The following CFAP92 variants were observed in gnomAD, a reference collection of about 807,000 sequenced individuals.
The protein encoded by CFAP92 is cilia and flagella associated protein 92 (putative).
CFAP92 carries 86 observed loss-of-function variants against 106.3 expected under a neutral mutation model. The ratio of observed to expected loss-of-function variants is 0.81; its 90% confidence interval spans 0.68 to 0.97. The LOEUF is 0.97. CFAP92 is among the 50% of genes least tolerant of loss of function. The pLI is 0.00. For missense variants in CFAP92, 1,204 were observed against 1,283.8 expected (o/e 0.94, Z 0.95); for synonymous variants, 477 against 506.4 (o/e 0.94, Z 0.78).
intron 10 of CFAP92, among the ~76,000 whole-genome samples, chr3:128,943,461 TG>T (rs1453068501): frequency 6.6e-6 from 1 of 152,230 alleles, no homozygotes; most frequent in Non-Finnish European, 1.5e-5. Flanking sequence ...TCATACAATA[TG>T]TGCCATTTTG....
upstream of CFAP92, among the ~76,000 whole-genome samples, chr3:128,998,961 G>C (rs1944583005): frequency 6.6e-6 from 1 of 152,108 alleles, no homozygotes; most frequent in South Asian, 2.1e-4. Context: ...ACATAGAAAA[G>C]TCTGGAAATA....
Position 128,993,172 on chromosome 3 carries a change from C to G in CFAP92, c.133G>C (p.Glu45Gln). 6.2e-7 allele frequency: 1 copy of G among 1,614,078 alleles called. No individual in the cohort carries two copies. The highest frequency in any genetic ancestry group is 8.5e-7 in the Non-Finnish European group (1 of 1,179,906). Residue 45 changes from glutamate to glutamine, a missense_variant, in exon 2 of 16, where the codon GAG becomes CAG. Glu to Gln is a conservative substitution (Grantham distance 29). Coordinates refer to ENST00000645291, the MANE Select transcript of CFAP92 (RefSeq NM_001394090.1). ...EHLKAKARAQ[E>Q]SDSDRPCSSI... ...CTGCACGGGCGGTCAGAGTCAGACTCCTGGGCCCTGGCCTTGGCCTTCAGG... is the reference window on the plus strand; with the variant it reads ...CTGCACGGGCGGTCAGAGTCAGACTGCTGGGCCCTGGCCTTGGCCTTCAGG...
intron 2 of CFAP92, chr3:128,991,959 G>A: frequency 1.2e-6 from 1 of 826,070 alleles, no homozygotes; most frequent in Non-Finnish European, 1.5e-6. Context: ...ATGCTAGCAG[G>A]TGGGAGACAC....
intron 10 of CFAP92, among the ~76,000 whole-genome samples, chr3:128,942,436 C>T (rs1392126868): frequency 1.3e-5 from 2 of 152,164 alleles, no homozygotes. Context: ...GCTGGCTGAC[C>T]GCCTACATGG....
At chr3:128,980,851 T>C (rs1407196713) in intron 4 of CFAP92, among the ~76,000 whole-genome samples, 1 of 152,176 alleles carries the variant, frequency 6.6e-6, no homozygotes, top group Non-Finnish European at 1.5e-5. Flanking sequence ...CTAGTTCTCT[T>C]GCTGTTTCCA....
chr3:128,943,016 T>C (rs1202385640), intron 10 of CFAP92, among the ~76,000 whole-genome samples: 1 of 144,850 alleles, frequency 6.9e-6, no homozygotes, highest in Non-Finnish European at 1.5e-5. Flanking sequence ...ACCTCCTGGG[T>C]TCAAGCGATT....
chr3:129,021,765 C>A, the CFAP92 span, among the ~76,000 whole-genome samples: 1 of 152,210 alleles, frequency 6.6e-6, no homozygotes, highest in African/African-American at 2.4e-5. Flanking sequence ...GTATCCATCA[C>A]AGACAGGTTA....
At chr3:128,922,697 A>G (rs926111220) in intron 12 of CFAP92, among the ~76,000 whole-genome samples, 8 of 152,216 alleles carry the variant, frequency 5.3e-5, no homozygotes, top group East Asian at 1.9e-4. Flanking sequence ...AAGTTTTTCA[A>G]AGTTCCTTGA....
At chr3:128,917,443 C>T (rs575272911) in intron 12 of CFAP92, among the ~76,000 whole-genome samples, 5 of 152,228 alleles carry the variant, frequency 3.3e-5, no homozygotes, top group East Asian at 1.9e-4. Flanking sequence ...CAAACTGTTC[C>T]GTAGTTCTTC....
At chr3:128,943,747 G>C (rs566815764) in intron 10 of CFAP92, among the ~76,000 whole-genome samples, 136 of 151,682 alleles carry the variant, frequency 9.0e-4, no homozygotes, top group Admixed American at 1.1e-3. Context: ...ATGTTGGCCA[G>C]ACTGGTCCCG....
At chr3:128,913,005 T>G (rs1033279098) in intron 15 of CFAP92, 2 of 461,096 alleles carry the variant, frequency 4.3e-6, no homozygotes, top group African/African-American at 2.0e-5. Flanking sequence ...AAGAAACAGC[T>G]TGAAAGCTCT....
chr3:128,943,533 ATTTC>A (rs1303151520), intron 10 of CFAP92, among the ~76,000 whole-genome samples: 1 of 147,866 alleles, frequency 6.8e-6, no homozygotes, highest in East Asian at 2.0e-4. Context: ...TCAGTATTTC[ATTTC>A]TTTTTTTTTT....
At position 128,912,653 on chromosome 3, in the gene CFAP92, C is replaced by T. The variant is rs762164514; in HGVS notation, c.3281-2320G>A. ...GCTACCGCCCGCCCCTACCCATGGCCCGTTGCTGGATGACTGTTACTCTTT... is the reference window on the plus strand; with the variant it reads ...GCTACCGCCCGCCCCTACCCATGGCTCGTTGCTGGATGACTGTTACTCTTT... On this transcript the variant is annotated intron_variant, in intron 15 of 15. Transcript: ENST00000645291. 4 of 1,482,054 alleles carry T rather than the reference C, an allele frequency of 2.7e-6. No homozygotes were observed. In the Admixed American group the frequency reaches 6.7e-5, roughly 25 times the overall value. The allele number at this position is 1,482,054 out of a possible 1,614,324, so 91.8% of individuals were successfully genotyped here.
chr3:128,965,252 CT>C (rs1361173713), intron 9 of CFAP92, among the ~76,000 whole-genome samples: 65 of 152,314 alleles, frequency 4.3e-4, no homozygotes, highest in African/African-American at 1.4e-3. Flanking sequence ...TTTCCATTAC[CT>C]TCCCAAATCC....
chr3:129,002,559 C>G (rs1944842987), intron 1 of CFAP92: 6 of 778,566 alleles, frequency 7.7e-6, no homozygotes, highest in Non-Finnish European at 1.1e-5. Flanking sequence ...CCCAATCACA[C>G]TCAAACAACC....
chr3:128,981,138 G>T (rs376393937), intron 4 of CFAP92, among the ~76,000 whole-genome samples: 1 of 150,534 alleles, frequency 6.6e-6, no homozygotes, highest in Non-Finnish European at 1.5e-5. Context: ...CCAGGTTCAC[G>T]CCATTCTCCT....
At chr3:129,006,114 GAAGTT>G (rs1945063656), upstream of CFAP92, among the ~76,000 whole-genome samples, 1 of 152,224 alleles carries the variant, frequency 6.6e-6, no homozygotes, top group African/African-American at 2.4e-5. Context: ...GAGGCACTGA[GAAGTT>G]AAGTAATGTA....
At chr3:128,962,901 C>T (rs1211094001) in intron 9 of CFAP92, among the ~76,000 whole-genome samples, 2 of 152,180 alleles carry the variant, frequency 1.3e-5, no homozygotes, top group African/African-American at 2.4e-5. Context: ...CATATACTCT[C>T]CTATCCTCAA....
chr3:128,945,761 T>G lies in CFAP92; in HGVS notation c.1568A>C (p.Gln523Pro), dbSNP rs2107729802. The G allele has an allele frequency of 1.3e-6, 2 of 1,534,724 alleles. No homozygotes were observed. The highest frequency in any genetic ancestry group is 2.4e-5 in the South Asian group (2 of 83,878). The change falls in exon 10 of 16, where the codon CAG (glutamine) becomes CCG (proline). Residue 523 changes from glutamine to proline, a missense_variant. Transcript: ENST00000645291. ...DRDRKSEECS[Q>P]KPVLFGEDPL... ...GTCCTCCCCAAACAGCACGGGCTTCTGAGAACACTCCTCTGACTTGCGGTC... is the reference window on the plus strand; with the variant it reads ...GTCCTCCCCAAACAGCACGGGCTTCGGAGAACACTCCTCTGACTTGCGGTC...
Sources: gnomAD v4.1 joint callset for allele counts (sites outside exome capture counted in the v4.1 genomes callset) on GRCh38, gnomAD v4.1.1 for gene constraint, MANE v1.5 for transcripts, NCBI Gene and HGNC (gene_info 2026-07-23, HGNC 2026-07-21) for gene names.